The following LVRN variants were observed in gnomAD, a reference collection of about 807,000 sequenced individuals.
LVRN encodes aminopeptidase Q.
In LVRN, 99 loss-of-function variants were observed where a neutral mutation model predicts 111.4. The ratio of observed to expected loss-of-function variants is 0.89; its 90% CI spans 0.76 to 1.05. LVRN has a LOEUF of 1.05. Among genes scored for constraint, LVRN ranks in the 50% least tolerant of loss-of-function variants. The pLI is 0.00. For missense variants in LVRN, 1,414 were observed against 1,206.8 expected, an observed-to-expected ratio of 1.17 and a Z score of -2.54; for synonymous variants, 488 against 449.5, an observed-to-expected ratio of 1.09 and a Z score of -1.08.
chr5:116,027,589 T>C lies in LVRN; in HGVS notation c.*1471T>C, dbSNP rs1017169093. ...GAAATGTAAATTTTCAGCAATAAAATATCTGCATGCCTACAAAGTGTTGTA... is the reference window on the plus strand; with the variant it reads ...GAAATGTAAATTTTCAGCAATAAAACATCTGCATGCCTACAAAGTGTTGTA... On this transcript the variant is annotated 3_prime_UTR_variant, in exon 20 of 20. Transcript: ENST00000357872. The C allele has an allele frequency of 6.6e-6, 1 of 152,172 alleles. No homozygotes were observed. The highest frequency in any genetic ancestry group is 2.4e-5 in the African/African-American group (1 of 41,448). The allele number at this position is 152,172 out of a possible 1,614,324, so 9.4% of individuals were successfully genotyped here. A position where few individuals can be genotyped will look rare whatever the true frequency, so the allele number is the denominator to read the frequency against.
intron 19 of LVRN, among the ~76,000 whole-genome samples, chr5:116,025,246 G>C (rs1748838016): frequency 6.6e-6 from 1 of 152,150 alleles, no homozygotes; most frequent in South Asian, 2.1e-4. Context: ...AGGCTTGATA[G>C]CACTATTACT....
intron 1 of LVRN, among the ~76,000 whole-genome samples, chr5:115,972,684 G>A (rs1466815051): frequency 6.6e-6 from 1 of 151,890 alleles, no homozygotes; most frequent in Non-Finnish European, 1.5e-5. Flanking sequence ...TAGGGTGAAA[G>A]CATTCAGTCT....
At chr5:115,999,971 G>C in intron 7 of LVRN, 69 bp downstream of exon 7, 1 of 1,479,752 alleles carries the variant, frequency 6.8e-7, no homozygotes, top group Non-Finnish European at 9.1e-7. Context: ...GGATTCTAAG[G>C]GTCCTATATC....
At position 115,978,727 on chromosome 5, in the gene LVRN, G is replaced by A. The variant is rs113491805; in HGVS notation, c.696-4560G>A. ...GAAGCCTGCATTAAGGTACAGGGTG[G>A]TAGTCCTTCTTCTTTTCTTTACCTC... is the stretch of plus-strand genomic sequence containing the variant. On this transcript the variant is annotated intron_variant, in intron 1 of 19. Coordinates refer to ENST00000357872, the MANE Select transcript of LVRN (RefSeq NM_173800.5). 7.2e-5 allele frequency among the ~76,000 whole-genome samples: 11 copies of A among 152,208 alleles called. 1 individual carries two copies. The highest frequency in any genetic ancestry group is 2.6e-4 in the African/African-American group (11 of 41,526).
At chr5:116,006,671 T>C (rs1748382039) in intron 13 of LVRN, among the ~76,000 whole-genome samples, 1 of 152,218 alleles carries the variant, frequency 6.6e-6, no homozygotes, top group African/African-American at 2.4e-5. Flanking sequence ...GTTACATTAC[T>C]TTCTTCTATC....
chr5:115,972,074 A>G (rs1025379058), intron 1 of LVRN, among the ~76,000 whole-genome samples: 4 of 152,118 alleles, frequency 2.6e-5, no homozygotes, highest in African/African-American at 9.7e-5. Flanking sequence ...AAATTCAAGT[A>G]TTTTTATGAA....
intron 13 of LVRN, among the ~76,000 whole-genome samples, chr5:116,007,109 T>A (rs1748391820): frequency 6.6e-6 from 1 of 152,218 alleles, no homozygotes; most frequent in African/African-American, 2.4e-5. Flanking sequence ...GCTTTCATCA[T>A]CTCTTGCCTG....
chr5:115,982,331 A>G (rs1401236931), intron 1 of LVRN, among the ~76,000 whole-genome samples: 1 of 152,092 alleles, frequency 6.6e-6, no homozygotes, highest in Non-Finnish European at 1.5e-5. Context: ...TACTCTTGAG[A>G]TATCTTTGTT....
chr5:115,982,158 T>C (rs1249492586), intron 1 of LVRN, among the ~76,000 whole-genome samples: 1 of 152,198 alleles, frequency 6.6e-6, no homozygotes, highest in Non-Finnish European at 1.5e-5. Context: ...TTATTGTTTT[T>C]GTCAATACAA....
chr5:115,987,017 C>CTAT (rs1747884759), intron 3 of LVRN, among the ~76,000 whole-genome samples: 1 of 151,452 alleles, frequency 6.6e-6, no homozygotes, highest in East Asian at 1.9e-4. Context: ...GCTGGCAATT[C>CTAT]TATTAAAAAT....
chr5:116,021,137 A>G (rs11957856), intron 18 of LVRN: 55,998 of 151,970 alleles, frequency 0.37, 10,973 homozygotes, highest in Middle Eastern at 0.45. Flanking sequence ...TTTCTCATTT[A>G]TGCACCAGAA....
intron 1 of LVRN, among the ~76,000 whole-genome samples, chr5:115,972,944 T>C (rs1186428344): frequency 6.6e-6 from 1 of 152,002 alleles, no homozygotes; most frequent in Non-Finnish European, 1.5e-5. Flanking sequence ...TTTTTTTTTT[T>C]CCAGACAGGG....
Position 116,000,729 on chromosome 5 carries a change from A to G in LVRN, c.1647+71A>G, listed in dbSNP as rs889258364. ...TGATACAGGAAAAGACTGGGAGGCC[A>G]TGGGTGAATGGCAGTTCCACAGGAA... On this transcript the variant is annotated intron_variant, in intron 9 of 19. Transcript: ENST00000357872. The G allele has an allele frequency of 7.3e-6, 11 of 1,501,678 alleles. No homozygotes were observed. In the Admixed American group the frequency reaches 1.4e-4, roughly 19 times the overall value. The allele number at this position is 1,501,678 out of a possible 1,614,324, so 93.0% of individuals were successfully genotyped here.
chr5:116,012,353 T>C lies in LVRN; in HGVS notation c.2248-21T>C, dbSNP rs1337325090. The stretch of plus-strand genomic sequence containing the variant: ...TGTTTGCAAGCCAGAACTAACAGTG[T>C]ATTTTCTTTATTGTTTATAGAGGTA... On this transcript the variant is annotated intron_variant, in intron 14 of 19. Coordinates refer to ENST00000357872, the MANE Select transcript of LVRN (RefSeq NM_173800.5). 8.6e-6 allele frequency: 11 copies of C among 1,274,102 alleles called. No individual in the cohort carries two copies. The African/African-American group carries it at 1.6e-4, about 19-fold the overall frequency. 78.9% of individuals were successfully genotyped at this position (1,274,102 alleles called of 1,614,324 possible). A position where few individuals can be genotyped will look rare whatever the true frequency, so the allele number is the denominator to read the frequency against.
chr5:116,005,952 C>T lies in LVRN; in HGVS notation c.2078C>T (p.Ala693Val), dbSNP rs140592882. 875 of 1,593,014 alleles carry T rather than the reference C, an allele frequency of 5.5e-4. 5 individuals carry two copies. The African/African-American group carries it at 0.01, about 19-fold the overall frequency. ...CACAGACTGCAGTTGATTGATGATG[C>T]CTTTTCCTTGTCTAAGTGAGTATAT... is the stretch of plus-strand genomic sequence containing the variant. ...VIHRLQLIDD[A>V]FSLSKNNYIE... The change falls in exon 13 of 20, where the codon GCC becomes GTC. Residue 693 changes from alanine to valine, a missense_variant. By Grantham distance (64) the Ala-to-Val change is moderately conservative (BLOSUM62 0). Coordinates refer to ENST00000357872, the MANE Select transcript of LVRN (RefSeq NM_173800.5).
At chr5:115,963,356 G>A (rs1366043256) in intron 1 of LVRN, 44 bp downstream of exon 1, 1 of 1,477,012 alleles carries the variant, frequency 6.8e-7, no homozygotes, top group Non-Finnish European at 9.1e-7. Context: ...CCCCGCCCCT[G>A]CGTCCCGGTG....
chr5:116,000,757 C>G (rs1207691141), intron 9 of LVRN, 99 bp downstream of exon 9: 1 of 1,319,428 alleles, frequency 7.6e-7, no homozygotes, highest in Admixed American at 2.0e-5. Context: ...CACAGGAAAA[C>G]AGCTTTGTCT....
At chr5:115,977,603 CAGTTT>C (rs1561555550) in intron 1 of LVRN, among the ~76,000 whole-genome samples, 1 of 152,120 alleles carries the variant, frequency 6.6e-6, no homozygotes, top group Non-Finnish European at 1.5e-5. Flanking sequence ...CATGACATCT[CAGTTT>C]AGTTTAGTTT....
At chr5:115,963,439 C>A (rs1753136191) in intron 1 of LVRN, 127 bp downstream of exon 1, 1 of 627,334 alleles carries the variant, frequency 1.6e-6, no homozygotes, top group Admixed American at 3.5e-5. Context: ...CCCCTTGCGA[C>A]GTTTTCTTTT....
Sources: allele counts gnomAD v4.1 joint callset (sites outside exome capture counted in the v4.1 genomes callset), GRCh38; gene constraint gnomAD v4.1.1; transcripts MANE v1.5; gene names NCBI Gene and HGNC (gene_info 2026-07-23, HGNC 2026-07-21).